The following AGO3 variants were observed in gnomAD, a reference collection of about 807,000 sequenced individuals.
AGO3 encodes protein argonaute-3.
In AGO3, 16 loss-of-function variants were observed where a neutral mutation model predicts 105.5. The observed-to-expected ratio is 0.15, with a 90% confidence interval of 0.10 to 0.23. The LOEUF (loss-of-function observed/expected upper bound fraction) is 0.23. Among genes scored for constraint, AGO3 ranks in the 10% least tolerant of loss-of-function variants. The pLI, the probability that AGO3 is intolerant of heterozygous loss-of-function variation, is 1.00. For synonymous variants in AGO3, 340 were observed against 367.3 expected (o/e 0.93, Z 0.85); for missense variants, 534 against 1,088.0 (o/e 0.49, Z 7.16).
At position 36,008,153 on chromosome 1, in the gene AGO3, A is replaced by T. The variant is rs1220140139; in HGVS notation, c.794-537A>T. 2.0e-5 allele frequency among the ~76,000 whole-genome samples: 3 copies of T among 152,196 alleles called. No homozygotes were observed. Among genetic ancestry groups the T allele is most frequent in the Admixed American group, 2.0e-4 (3 of 15,278 alleles). On this transcript the variant is annotated intron_variant, in intron 6 of 18. Transcript: ENST00000373191. The surrounding 1 kb of genome is among the most constrained non-coding windows in gnomAD (Gnocchi z 5.1). ...CTGTGTCACTATATTATACCTCTAT[A>T]AAAGTGTCACTTTGCTTCTGTTAAA...
At chr1:36,051,925 CAAAG>C (rs770116885) in intron 17 of AGO3, among the ~76,000 whole-genome samples, 2 of 151,962 alleles carry the variant, frequency 1.3e-5, no homozygotes, top group Admixed American at 6.6e-5. Context: ...ATCAAAAAGA[CAAAG>C]AATGCAGAGA....
In AGO3 at chr1:36,027,340, T is replaced by G; in HGVS notation, c.1591+42T>G. On this transcript the variant is annotated intron_variant, in intron 12 of 18. Coordinates refer to ENST00000373191, the MANE Select transcript of AGO3 (RefSeq NM_024852.4). The surrounding 1 kb of genome is among the most constrained non-coding windows in gnomAD (Gnocchi z 4.0). ...ACTGCATTTTTCCTCAAGTACTTGATGTCCTTTTAGGATTATACTGAAACA... is the reference window on the plus strand; with the variant it reads ...ACTGCATTTTTCCTCAAGTACTTGAGGTCCTTTTAGGATTATACTGAAACA... 6 of 1,529,310 alleles carry G rather than the reference T, an allele frequency of 3.9e-6. No individual in the cohort carries two copies. The highest frequency in any genetic ancestry group is 5.3e-6 in the Non-Finnish European group (6 of 1,128,132). 94.7% of individuals were successfully genotyped at this position (1,529,310 alleles called of 1,614,324 possible). A position where few individuals can be genotyped will look rare whatever the true frequency, so the allele number is the denominator to read the frequency against.
At chr1:36,045,783 T>G (rs562989870) in intron 17 of AGO3, among the ~76,000 whole-genome samples, 1 of 152,288 alleles carries the variant, frequency 6.6e-6, no homozygotes, top group South Asian at 2.1e-4. Context: ...CCTCCGGCGA[T>G]CCACTTGCCT....
rs778791251 is a variant in AGO3 at position 36,039,877 on chromosome 1, G to T, written c.1930G>T (p.Ala644Ser). The T allele has an allele frequency of 1.9e-6, 3 of 1,613,800 alleles. No homozygotes were observed. The highest frequency in any genetic ancestry group is 2.5e-6 in the Non-Finnish European group (3 of 1,179,982). Residue 644 changes from alanine (A) to serine (S), a missense_variant, in exon 15 of 19, where the codon GCC becomes TCC. By Grantham distance (99) the Ala-to-Ser change is moderately conservative. Transcript: ENST00000373191. ...CCGACAGGAGATCATCCAGGACTTG[G>T]CCTCCATGGTCCGGGAACTTCTTAT... is the stretch of plus-strand genomic sequence containing the variant. ...RPRQEIIQDL[A>S]SMVRELLIQF...
intron 5 of AGO3, chr1:35,982,546 T>A: frequency 6.6e-6 from 4 of 607,250 alleles, no homozygotes; most frequent in Non-Finnish European, 1.2e-5. Context: ...TAGGAAAACT[T>A]CTCTCTATCC....
chr1:35,931,543 CGTCGGGCGGGCATCGCTCG>C (rs2148734620), intron 1 of AGO3, 98 bp downstream of exon 1: 1 of 1,248,078 alleles, frequency 8.0e-7, no homozygotes, highest in Non-Finnish European at 1.0e-6. Flanking sequence ...GCGAGGTGAG[CGTCGGGCGGGCATCGCTCG>C]GTCTCCCGCC....
Position 36,055,847 on chromosome 1 carries a change from C to A in AGO3, c.*102C>A. On this transcript the variant is annotated 3_prime_UTR_variant, in exon 19 of 19. Coordinates refer to ENST00000373191, the MANE Select transcript of AGO3 (RefSeq NM_024852.4). The surrounding 1 kb of genome is among the most constrained non-coding windows in gnomAD (Gnocchi z 4.4). ...TTGAGTAAGGACACCTCCAGCCATA[C>A]AGAAACCAACACTGTGTGGGGGCCA... is the stretch of plus-strand genomic sequence containing the variant. 9.2e-7 allele frequency: 1 copy of A among 1,092,416 alleles called. No homozygotes were observed. The highest frequency in any genetic ancestry group is 1.3e-6 in the Non-Finnish European group (1 of 742,426). The allele number at this position is 1,092,416 out of a possible 1,614,324, so 67.7% of individuals were successfully genotyped here.
intron 2 of AGO3, among the ~76,000 whole-genome samples, chr1:35,947,896 C>T (rs1406972871): frequency 6.6e-6 from 1 of 152,046 alleles, no homozygotes. Context: ...TAGATATTTA[C>T]ACTTTAAAAA....
At position 36,036,309 on chromosome 1, in the gene AGO3, C is replaced by T. The variant is rs750929713; in HGVS notation, c.1842+42C>T. On this transcript the variant is annotated intron_variant, in intron 14 of 18. Coordinates refer to ENST00000373191, the MANE Select transcript of AGO3 (RefSeq NM_024852.4). ...TTTATCTTACCTAAGGTTGACAGAC[C>T]AGTATCAATTTTGCAGTTTCAACTT... The T allele has an allele frequency of 7.7e-6, 12 of 1,553,594 alleles. No individual in the cohort carries two copies. The South Asian group carries it at 1.4e-4, about 18-fold the overall frequency.
intron 1 of AGO3, among the ~76,000 whole-genome samples, chr1:35,934,783 T>C (rs1311241934): frequency 1.3e-5 from 2 of 152,108 alleles, no homozygotes; most frequent in Non-Finnish European, 2.9e-5. Flanking sequence ...CCCGAGTAGA[T>C]GGGATTACAG....
chr1:35,970,156 T>A (rs1245599449), intron 3 of AGO3, among the ~76,000 whole-genome samples: 1 of 152,224 alleles, frequency 6.6e-6, no homozygotes, highest in Non-Finnish European at 1.5e-5. Context: ...AATGAAAATC[T>A]GGGTACTGGT....
In AGO3 at chr1:36,008,681, T is replaced by C. The variant is rs1430768322; in HGVS notation, c.794-9T>C. 3 of 1,613,492 alleles carry C rather than the reference T, an allele frequency of 1.9e-6. No homozygotes were observed. Among genetic ancestry groups the C allele is most frequent in the Non-Finnish European group, 2.5e-6 (3 of 1,179,610 alleles). ...GTTCTGTAACCTCCATTTTTCTTGT[T>C]GGGAACAGGTTTGAAGGTTGAAGTG... On this transcript the variant is annotated splice_polypyrimidine_tract_variant and intron_variant, in intron 6 of 18. Transcript: ENST00000373191. This position sits in a 1 kb window ranked among gnomAD's most constrained non-coding sequence, Gnocchi z 5.1.
rs912016642 is a variant in AGO3 at position 36,057,159 on chromosome 1, A to T, written c.*1414A>T. ...CTGAAGCCTTCTGTTTCTATGGGTT[A>T]TACATGGAAATTCTTTAAAGGTTTT... On this transcript the variant is annotated 3_prime_UTR_variant, in exon 19 of 19. Transcript: ENST00000373191. The T allele has an allele frequency of 6.6e-6, 1 of 152,184 alleles. No homozygotes were observed. The highest frequency in any genetic ancestry group is 1.5e-5 in the Non-Finnish European group (1 of 68,050). The allele number at this position is 152,184 out of a possible 1,614,324, so 9.4% of individuals were successfully genotyped here.
chr1:36,032,490 T>C (rs1313792004), intron 12 of AGO3, among the ~76,000 whole-genome samples: 1 of 152,054 alleles, frequency 6.6e-6, no homozygotes, highest in Non-Finnish European at 1.5e-5. Context: ...CATGCAATCC[T>C]CTTGCCTCAG....
chr1:35,953,353 A>G (rs147052812), intron 2 of AGO3, among the ~76,000 whole-genome samples: 1 of 152,042 alleles, frequency 6.6e-6, no homozygotes, highest in Non-Finnish European at 1.5e-5. Context: ...TATTCTCACC[A>G]ATATGTTATT....
intron 5 of AGO3, chr1:35,983,407 A>AC (rs1647093426): frequency 7.2e-6 from 1 of 138,900 alleles, no homozygotes; most frequent in Non-Finnish European, 1.6e-5. Context: ...CCTGATCTCT[A>AC]CCAAAAAAAA....
intron 17 of AGO3, among the ~76,000 whole-genome samples, chr1:36,050,197 T>C (rs1642647691): frequency 1.3e-5 from 2 of 152,286 alleles, no homozygotes; most frequent in South Asian, 4.1e-4. Flanking sequence ...TTTAAAATAA[T>C]GGAGGCGGTC....
At chr1:36,007,910 C>T (rs745532508) in intron 6 of AGO3, among the ~76,000 whole-genome samples, 8 of 152,138 alleles carry the variant, frequency 5.3e-5, no homozygotes, top group Non-Finnish European at 1.0e-4. Context: ...CATTCTAGAG[C>T]AGGCCTGGGA....
chr1:36,052,075 A>G (rs1642737992), intron 17 of AGO3, among the ~76,000 whole-genome samples: 1 of 152,228 alleles, frequency 6.6e-6, no homozygotes, highest in Non-Finnish European at 1.5e-5. Flanking sequence ...GTATATATGC[A>G]AAGGAAAGGA....
Sources: gnomAD v4.1 joint callset for allele counts (sites outside exome capture counted in the v4.1 genomes callset) on GRCh38, gnomAD v4.1.1 for gene constraint, Gnocchi (gnomAD v3.1) non-coding constraint, MANE v1.5 for transcripts, NCBI Gene and HGNC (gene_info 2026-07-23, HGNC 2026-07-21) for gene names.